Variants in PFDN1 observed in about 807,000 individuals in gnomAD.
PFDN1 encodes the protein prefoldin 1.
Under a neutral mutation model 17.3 loss-of-function variants are expected in PFDN1, and 6 were observed. The observed-to-expected ratio is 0.35, with a 90% CI of 0.19 to 0.69. PFDN1 has a LOEUF of 0.69. Ranked by LOEUF, PFDN1 falls within the 30% of genes least tolerant of loss-of-function variation. The pLI, the probability that PFDN1 is intolerant of heterozygous loss-of-function variation, is 0.65. For missense variants in PFDN1, 113 were observed against 146.2 expected (o/e 0.77, Z 1.17); for synonymous variants, 58 against 50.1 (o/e 1.16, Z -0.67).
intron 2 of PFDN1, among the ~76,000 whole-genome samples, chr5:140,286,605 GGGGGGGGGGGGGGGGC>G (rs1765496768): frequency 5.4e-5 from 1 of 18,392 alleles, no homozygotes; most frequent in East Asian, 2.2e-3. Context: ...TGCGGGGGGG[GGGGGGGGGGGGGGGGC>G]GGGGGAGACA....
At chr5:140,285,163 G>A (rs928702463) in intron 2 of PFDN1, among the ~76,000 whole-genome samples, 2 of 151,882 alleles carry the variant, frequency 1.3e-5, no homozygotes, top group African/African-American at 4.8e-5. Context: ...ATTTTTAGAG[G>A]GTGTCTAAAA....
intron 3 of PFDN1, among the ~76,000 whole-genome samples, chr5:140,275,264 C>A (rs1765271940): frequency 6.6e-6 from 1 of 151,846 alleles, no homozygotes; most frequent in African/African-American, 2.4e-5. Flanking sequence ...AAAAAATTAG[C>A]TGGGCATGGC....
At chr5:140,289,353 A>G (rs1269779605) in intron 2 of PFDN1, among the ~76,000 whole-genome samples, 4 of 152,204 alleles carry the variant, frequency 2.6e-5, no homozygotes, top group Admixed American at 2.6e-4. Flanking sequence ...ATAATGTAGT[A>G]CTAGATTATA....
In PFDN1 at chr5:140,250,290, C is replaced by A. The variant is rs1004217176; in HGVS notation, c.286-4233G>T. ...CGTCACTCCTTCAGCTCCAGTCACA[C>A]AGGCCTCCCATGCTGCTCCTCCAAT... is the stretch of plus-strand genomic sequence containing the variant. On this transcript the variant is annotated intron_variant, in intron 3 of 3. Coordinates refer to ENST00000261813, the MANE Select transcript of PFDN1 (RefSeq NM_002622.5). 2.0e-5 allele frequency among the ~76,000 whole-genome samples: 3 copies of A among 152,332 alleles called. No individual in the cohort carries two copies. In the South Asian group the frequency reaches 6.2e-4, roughly 32 times the overall value.
intron 3 of PFDN1, among the ~76,000 whole-genome samples, chr5:140,264,020 C>CAAAAAAAAAAAAAAAAAAAAAAAAAAA (rs58605224): frequency 7.2e-5 from 4 of 55,580 alleles, no homozygotes; most frequent in Non-Finnish European, 1.0e-4. Flanking sequence ...GACTCCATCT[C>CAAAAAAAAAAAAAAAAAAAAAAAAAAA]AAAAAAAAAA....
At position 140,254,709 on chromosome 5, in the gene PFDN1, A is replaced by AT. The variant is rs1303227374; in HGVS notation, c.286-8653dup. On this transcript the variant is annotated intron_variant, in intron 3 of 3. Transcript: ENST00000261813. This position sits in a 1 kb window ranked among gnomAD's most constrained non-coding sequence, Gnocchi z 4.4. ...GAAGCTGCACACCTCTGAAGTGTCC[A>AT]TTTCACCACCACTACCTCATATTCT... is the stretch of plus-strand genomic sequence containing the variant. Among the ~76,000 whole-genome samples, 1 of 152,112 alleles carries AT rather than the reference A, an allele frequency of 6.6e-6. No homozygotes were observed. The highest frequency in any genetic ancestry group is 1.9e-4 in the East Asian group (1 of 5,200).
intron 3 of PFDN1, among the ~76,000 whole-genome samples, chr5:140,272,311 C>T (rs1041945508): frequency 2.0e-3 from 301 of 149,750 alleles, no homozygotes; most frequent in African/African-American, 6.4e-3. Flanking sequence ...TGAGCCACCA[C>T]GCCCAGCCTA....
At position 140,300,462 on chromosome 5, in the gene PFDN1, T is replaced by C; in HGVS notation, c.154A>G (p.Met52Val). Reference sequence around the variant, plus strand: ...ATGTTAGTCTCATCTACCAAAGTCATGATCTCTGTATCTGTAAGATGTGCA... The same window carrying C: ...ATGTTAGTCTCATCTACCAAAGTCACGATCTCTGTATCTGTAAGATGTGCA... Reference protein sequence around the residue: ...KHAHLTDTEIMTLVDETNMYE... With the variant: ...KHAHLTDTEIVTLVDETNMYE... The change falls in exon 2 of 4, where the codon ATG becomes GTG. Residue 52 changes from methionine to valine, a missense_variant. Physicochemically the swap from Met to Val is conservative, Grantham distance 21. Coordinates refer to ENST00000261813, the MANE Select transcript of PFDN1 (RefSeq NM_002622.5). 2 of 1,610,948 alleles carry C rather than the reference T, an allele frequency of 1.2e-6. No individual in the cohort carries two copies. The highest frequency in any genetic ancestry group is 1.7e-6 in the Non-Finnish European group (2 of 1,177,188).
chr5:140,300,688 G>A, intron 1 of PFDN1, 106 bp from the exon 2 acceptor site: 3 of 703,856 alleles, frequency 4.3e-6, no homozygotes, highest in East Asian at 2.7e-5. Flanking sequence ...AGACAAAGCT[G>A]TGAAATTTAC....
chr5:140,269,448 A>G (rs1765175502), intron 3 of PFDN1, among the ~76,000 whole-genome samples: 1 of 151,738 alleles, frequency 6.6e-6, no homozygotes, highest in South Asian at 2.1e-4. Context: ...CCTCCCCAGT[A>G]GCTGGGATTA....
intron 3 of PFDN1, among the ~76,000 whole-genome samples, chr5:140,261,688 C>A (rs1055667853): frequency 1.6e-4 from 25 of 152,152 alleles, no homozygotes; most frequent in African/African-American, 6.0e-4. Flanking sequence ...TTCCAAAAAC[C>A]TTGGCTGTCT....
chr5:140,271,121 T>C (rs1437107125), intron 3 of PFDN1, among the ~76,000 whole-genome samples: 2 of 152,016 alleles, frequency 1.3e-5, no homozygotes, highest in African/African-American at 4.8e-5. Context: ...AAAAAGAGCA[T>C]ATATGGTGGG....
chr5:140,283,726 T>G (rs977208812), intron 2 of PFDN1, among the ~76,000 whole-genome samples: 2 of 152,178 alleles, frequency 1.3e-5, no homozygotes, highest in African/African-American at 4.8e-5. Context: ...AAGATTATGG[T>G]TTACAGAATA....
intron 3 of PFDN1, among the ~76,000 whole-genome samples, chr5:140,263,563 T>G (rs1431258489): frequency 6.6e-6 from 1 of 152,166 alleles, no homozygotes; most frequent in African/African-American, 2.4e-5. Context: ...GTATTTAGGC[T>G]TAAAAACACC....
chr5:140,301,099 T>C (rs1043540315), intron 1 of PFDN1, among the ~76,000 whole-genome samples: 2 of 152,190 alleles, frequency 1.3e-5, no homozygotes, highest in Non-Finnish European at 2.9e-5. Context: ...ATTTACAAAT[T>C]AAGTAACCAA....
chr5:140,291,583 A>G (rs1765581768), intron 2 of PFDN1, among the ~76,000 whole-genome samples: 1 of 152,150 alleles, frequency 6.6e-6, no homozygotes, highest in South Asian at 2.1e-4. Context: ...TAAGTTAAAG[A>G]TAAAAAATCT....
At chr5:140,288,259 C>T (rs1240391245) in intron 2 of PFDN1, among the ~76,000 whole-genome samples, 1 of 152,186 alleles carries the variant, frequency 6.6e-6, no homozygotes, top group Non-Finnish European at 1.5e-5. Flanking sequence ...CACAAAGACA[C>T]AGAGGAGCCT....
intron 3 of PFDN1, among the ~76,000 whole-genome samples, chr5:140,280,002 AAAAAAAAAAAAC>A (rs1318252812): frequency 4.9e-5 from 7 of 142,706 alleles, no homozygotes; most frequent in South Asian, 2.1e-4. Flanking sequence ...TCTCAAAAAA[AAAAAAAAAAAAC>A]AAAAAAAGAA....
At chr5:140,266,960 C>T (rs1479625250) in intron 3 of PFDN1, among the ~76,000 whole-genome samples, 3 of 152,208 alleles carry the variant, frequency 2.0e-5, no homozygotes, top group Non-Finnish European at 4.4e-5. Context: ...ACTGGAATCA[C>T]ACATGCTGCG....
Sources: gnomAD v4.1 joint callset for allele counts (sites outside exome capture counted in the v4.1 genomes callset) on GRCh38, gnomAD v4.1.1 for gene constraint, Gnocchi (gnomAD v3.1) non-coding constraint, MANE v1.5 for transcripts, NCBI Gene and HGNC (gene_info 2026-07-23, HGNC 2026-07-21) for gene names.